CNKSR3: variants seen among roughly 807,000 people sequenced by gnomAD.
CNKSR3 encodes CNKSR family member 3.
Under a neutral mutation model 67.7 loss-of-function variants are expected in CNKSR3, and 36 were observed. The ratio of observed to expected loss-of-function variants is 0.53; its 90% CI spans 0.41 to 0.70. The LOEUF (loss-of-function observed/expected upper bound fraction) is 0.70. CNKSR3 is among the 30% of genes least tolerant of loss of function. The pLI, the probability that CNKSR3 is intolerant of heterozygous loss-of-function variation, is 0.00. For missense variants in CNKSR3, 630 were observed against 695.2 expected (o/e 0.91, Z 1.05); for synonymous variants, 281 against 271.4 (o/e 1.04, Z -0.35).
chr6:154,410,431 G>T lies in CNKSR3; in HGVS notation c.1281C>A (p.Gly427=). 4 of 1,611,552 alleles carry T rather than the reference G, an allele frequency of 2.5e-6. No homozygotes were observed. Among genetic ancestry groups the T allele is most frequent in the Non-Finnish European group, 2.5e-6 (3 of 1,177,686 alleles). The change falls in exon 12 of 13, where the codon GGC becomes GGA. Residue 427 remains glycine (G), a splice_region_variant and synonymous_variant. Transcript: ENST00000607772. The part of the protein sequence containing the change: ...TKMREKTPSY[G]KPRPLSMPAD... ...CAGGCATGGACAAAGGCCGTGGCTTGCCTTCAGAGGGACGAGAAAGAAGGT... is the reference window on the plus strand; with the variant it reads ...CAGGCATGGACAAAGGCCGTGGCTTTCCTTCAGAGGGACGAGAAAGAAGGT...
rs146919083 is a variant in CNKSR3, at chr6:154,473,546, A to G, written c.53-23288T>C. On this transcript the variant is annotated intron_variant, in intron 1 of 12. Coordinates refer to ENST00000607772, the MANE Select transcript of CNKSR3 (RefSeq NM_173515.4). ...ATGCTGGGGGAGAATGGCATAAACA[A>G]GGCACAGAAGAGGAATGAGGACGTT... 1.6e-3 allele frequency among the ~76,000 whole-genome samples: 239 copies of G among 152,280 alleles called. 2 individuals carry two copies. The highest frequency in any genetic ancestry group is 5.6e-3 in the African/African-American group (233 of 41,542).
intron 2 of CNKSR3, among the ~76,000 whole-genome samples, chr6:154,445,509 C>A (rs9479858): frequency 6.6e-6 from 1 of 152,168 alleles, no homozygotes; most frequent in East Asian, 1.9e-4. Context: ...AGCCTGCCAA[C>A]TTACATGAAG....
intron 1 of CNKSR3, among the ~76,000 whole-genome samples, chr6:154,487,696 A>G (rs1562355147): frequency 6.6e-6 from 1 of 152,176 alleles, no homozygotes. Context: ...ATTATTCTCT[A>G]TTGCAGGCAA....
intron 4 of CNKSR3, among the ~76,000 whole-genome samples, chr6:154,435,287 AC>A (rs1206512122): frequency 4.6e-5 from 7 of 151,954 alleles, no homozygotes; most frequent in Non-Finnish European, 1.0e-4. Context: ...TGGTCACCAC[AC>A]CCGGCCCACA....
chr6:154,498,044 G>A lies in CNKSR3; in HGVS notation c.52+12019C>T, dbSNP rs115838853. 9.5e-3 allele frequency among the ~76,000 whole-genome samples: 1,452 copies of A among 152,288 alleles called. 11 individuals carry two copies. The highest frequency in any genetic ancestry group is 0.015 in the African/African-American group (619 of 41,560). ...GAGGTAAACTCAACCAAGAGAAGCCGAATTCCTGTTTTTACCCTGAAGAGT... is the reference window on the plus strand; with the variant it reads ...GAGGTAAACTCAACCAAGAGAAGCCAAATTCCTGTTTTTACCCTGAAGAGT... On this transcript the variant is annotated intron_variant, in intron 1 of 12. Transcript: ENST00000607772.
At chr6:154,420,330 TTTCA>T (rs1785114666) in intron 9 of CNKSR3, among the ~76,000 whole-genome samples, 1 of 151,812 alleles carries the variant, frequency 6.6e-6, no homozygotes. Context: ...GGGTACAAAG[TTTCA>T]GTTAGCCAGG....
At chr6:154,469,397 G>A (rs1347864345) in intron 1 of CNKSR3, among the ~76,000 whole-genome samples, 1 of 152,138 alleles carries the variant, frequency 6.6e-6, no homozygotes, top group Admixed American at 6.5e-5. Flanking sequence ...ACCTCAGAGT[G>A]CTACTGTGAA....
intron 1 of CNKSR3, among the ~76,000 whole-genome samples, chr6:154,454,124 GAGAGAGA>G (rs1785900675): frequency 7.0e-6 from 1 of 142,056 alleles, no homozygotes; most frequent in African/African-American, 2.7e-5. Context: ...GAGAGAGAGA[GAGAGAGA>G]GAGAGAGAGA....
chr6:154,475,832 G>A (rs185793369), intron 1 of CNKSR3, among the ~76,000 whole-genome samples: 81 of 152,226 alleles, frequency 5.3e-4, no homozygotes, highest in Non-Finnish European at 9.6e-4. Context: ...TGCCTTACAC[G>A]TGGTCGACGA....
At chr6:154,457,250 C>T (rs1164732313) in intron 1 of CNKSR3, among the ~76,000 whole-genome samples, 4 of 152,160 alleles carry the variant, frequency 2.6e-5, no homozygotes, top group African/African-American at 7.2e-5. Context: ...AGGTGGTCTA[C>T]TGGTAGGCCT....
chr6:154,403,138 G>A lies in CNKSR3; in HGVS notation c.*3216C>T, dbSNP rs1208552082. ...GATGCTATAAAATATTATAATAGGG[G>A]TAGGTGTTGAGTTGTGTCTGGGAGA... On this transcript the variant is annotated 3_prime_UTR_variant, in exon 13 of 13. Transcript: ENST00000607772. 1.3e-5 allele frequency: 2 copies of A among 152,076 alleles called. No homozygotes were observed. Among genetic ancestry groups the A allele is most frequent in the Non-Finnish European group, 2.9e-5 (2 of 68,028 alleles). The allele number at this position is 152,076 out of a possible 1,614,324, so 9.4% of individuals were successfully genotyped here.
chr6:154,414,696 A>C (rs758394351), intron 9 of CNKSR3: 3 of 568,564 alleles, frequency 5.3e-6, no homozygotes, highest in South Asian at 1.5e-5. Flanking sequence ...TGAGCAAATC[A>C]CTTAAACATC....
intron 1 of CNKSR3, among the ~76,000 whole-genome samples, chr6:154,470,188 C>CTTTTTTTTTTTT (rs869154714): frequency 7.3e-5 from 5 of 68,750 alleles, no homozygotes; most frequent in South Asian, 7.0e-4. Flanking sequence ...ACTTTCTTTC[C>CTTTTTTTTTTTT]TTTTTTTTTT....
At chr6:154,504,418 A>G (rs2114662923) in intron 1 of CNKSR3, among the ~76,000 whole-genome samples, 1 of 152,308 alleles carries the variant, frequency 6.6e-6, no homozygotes, top group South Asian at 2.1e-4. Flanking sequence ...AGGAAAAAGG[A>G]AGAGAGAAAG....
intron 1 of CNKSR3, among the ~76,000 whole-genome samples, chr6:154,506,646 T>G (rs1056464470): frequency 6.6e-6 from 1 of 152,228 alleles, no homozygotes; most frequent in Non-Finnish European, 1.5e-5. Flanking sequence ...GTGCTACGAA[T>G]GGCTGAACAA....
chr6:154,423,023 C>T (rs781685426), intron 7 of CNKSR3, 40 bp from the exon 8 acceptor site: 1 of 1,293,268 alleles, frequency 7.7e-7, no homozygotes, highest in Non-Finnish European at 1.1e-6. Context: ...TTCTTTTAAA[C>T]CTTCTATTTC....
At chr6:154,464,718 A>G (rs1189071898) in intron 1 of CNKSR3, among the ~76,000 whole-genome samples, 1 of 150,792 alleles carries the variant, frequency 6.6e-6, no homozygotes, top group Non-Finnish European at 1.5e-5. Flanking sequence ...CTGTCTCAGA[A>G]AAAAAAAAGG....
At chr6:154,478,772 CT>C (rs780986240) in intron 1 of CNKSR3, among the ~76,000 whole-genome samples, 1 of 152,200 alleles carries the variant, frequency 6.6e-6, no homozygotes, top group Non-Finnish European at 1.5e-5. Flanking sequence ...GTTCTTCCCC[CT>C]GTAAAACTAT....
intron 1 of CNKSR3, among the ~76,000 whole-genome samples, chr6:154,487,067 A>G (rs1336723881): frequency 2.0e-5 from 3 of 152,196 alleles, no homozygotes; most frequent in African/African-American, 4.8e-5. Flanking sequence ...ACGTGCCACC[A>G]CACCCAGCTA....
Sources: gnomAD v4.1 joint callset for allele counts (sites outside exome capture counted in the v4.1 genomes callset) on GRCh38, gnomAD v4.1.1 for gene constraint, MANE v1.5 for transcripts, NCBI Gene and HGNC (gene_info 2026-07-23, HGNC 2026-07-21) for gene names.